ADAM20: variants seen among roughly 807,000 people sequenced by gnomAD.
ADAM20 encodes the protein disintegrin and metalloproteinase domain-containing protein 20.
For synonymous variants in ADAM20, 305 were observed against 310.2 expected (o/e 0.98, Z 0.18); for missense variants, 871 against 883.2 (o/e 0.99, Z 0.18).
the ADAM20 span, among the ~76,000 whole-genome samples, chr14:70,565,286 C>T: frequency 1.0e-3 from 159 of 151,452 alleles, no homozygotes; most frequent in Non-Finnish European, 1.9e-3. Context: ...AATCATGGTA[C>T]TCCATCAAAC....
the ADAM20 span, among the ~76,000 whole-genome samples, chr14:70,568,422 A>G: frequency 8.5e-5 from 13 of 152,258 alleles, no homozygotes; most frequent in African/African-American, 3.1e-4. Context: ...AATGAGAAGT[A>G]GCAGCTCCTC....
chr14:70,553,495 T>A, the ADAM20 span, among the ~76,000 whole-genome samples: 7 of 73,886 alleles, frequency 9.5e-5, no homozygotes, highest in African/African-American at 1.7e-4. Context: ...CACAGGCCAA[T>A]AACGCTAATC....
Position 70,524,186 on chromosome 14 carries a change from T to G in ADAM20, c.572A>C (p.Asn191Thr). 6.2e-7 allele frequency: 1 copy of G among 1,613,844 alleles called. No homozygotes were observed. The highest frequency in any genetic ancestry group is 8.5e-7 in the Non-Finnish European group (1 of 1,179,904). ...AAAAGAACTTTGCTTCAGAGTGAAATTATATGACAATTGCAACTCCATCTG... is the reference window on the plus strand; with the variant it reads ...AAAAGAACTTTGCTTCAGAGTGAAAGTATATGACAATTGCAACTCCATCTG... ...AHQMELQLSY[N>T]FTLKQSSFVG... The change falls in exon 2 of 2, where the codon AAT becomes ACT. Residue 191 changes from asparagine to threonine, a missense_variant. By Grantham distance (65) the Asn-to-Thr change is moderately conservative. Coordinates refer to ENST00000256389, the MANE Select transcript of ADAM20 (RefSeq NM_003814.5).
chr14:70,567,255 C>A, the ADAM20 span, among the ~76,000 whole-genome samples: 1 of 152,168 alleles, frequency 6.6e-6, no homozygotes, highest in Non-Finnish European at 1.5e-5. Flanking sequence ...AGTCATCACA[C>A]CACCAGAACC....
the ADAM20 span, among the ~76,000 whole-genome samples, chr14:70,567,514 C>T: frequency 9.2e-5 from 14 of 152,194 alleles, no homozygotes; most frequent in African/African-American, 3.4e-4. Context: ...ATGCCATACA[C>T]TATTGCAGAC....
At chr14:70,571,752 A>G in the ADAM20 span, among the ~76,000 whole-genome samples, 1 of 152,214 alleles carries the variant, frequency 6.6e-6, no homozygotes, top group Non-Finnish European at 1.5e-5. Flanking sequence ...GATTCATCCA[A>G]AAGACTCCTA....
upstream of ADAM20, among the ~76,000 whole-genome samples, chr14:70,535,396 G>T (rs546662607): frequency 2.0e-5 from 3 of 152,176 alleles, no homozygotes; most frequent in African/African-American, 7.2e-5. Context: ...CAAGGGAAAG[G>T]GAAGAAACTG....
the ADAM20 span, among the ~76,000 whole-genome samples, chr14:70,545,342 G>A: frequency 6.6e-6 from 1 of 152,214 alleles, no homozygotes; most frequent in African/African-American, 2.4e-5. Context: ...ACTTGGGAGA[G>A]GGATGGTGCA....
chr14:70,559,271 T>C, the ADAM20 span, among the ~76,000 whole-genome samples: 1 of 149,488 alleles, frequency 6.7e-6, no homozygotes, highest in Non-Finnish European at 1.5e-5. Flanking sequence ...ATCCTTCAAG[T>C]TGCCTAGAAA....
At chr14:70,541,314 C>T in the ADAM20 span, among the ~76,000 whole-genome samples, 2 of 152,260 alleles carry the variant, frequency 1.3e-5, no homozygotes, top group East Asian at 3.9e-4. Context: ...GTACAATTTG[C>T]ATGGTTTGCA....
chr14:70,542,323 A>C, the ADAM20 span, among the ~76,000 whole-genome samples: 21 of 152,202 alleles, frequency 1.4e-4, no homozygotes, highest in Non-Finnish European at 1.5e-5. Flanking sequence ...AATTGGAAAA[A>C]CTGGTTATTT....
intron 1 of ADAM20, among the ~76,000 whole-genome samples, chr14:70,531,074 G>C (rs868593323): frequency 1.3e-5 from 2 of 151,956 alleles, no homozygotes; most frequent in Middle Eastern, 3.4e-3. Context: ...AACAAAATTG[G>C]CAAACCTTTA....
chr14:70,561,966 T>A, the ADAM20 span, among the ~76,000 whole-genome samples: 1 of 151,906 alleles, frequency 6.6e-6, no homozygotes, highest in Non-Finnish European at 1.5e-5. Context: ...CCACATAGAG[T>A]CCCCACTGGG....
chr14:70,535,070 A>G (rs1367590429), upstream of ADAM20: 1 of 152,254 alleles, frequency 6.6e-6, no homozygotes, highest in African/African-American at 2.4e-5. Context: ...CTCAATGTTG[A>G]TTGCAGTGAA....
At chr14:70,573,835 A>G in the ADAM20 span, among the ~76,000 whole-genome samples, 1 of 152,256 alleles carries the variant, frequency 6.6e-6, no homozygotes, top group African/African-American at 2.4e-5. Context: ...TTAGGAAGAC[A>G]CAATTGCATA....
chr14:70,523,584 CACT>C lies in ADAM20; in HGVS notation c.1171_1173del (p.Ser391del). The C allele has an allele frequency of 6.2e-7, 1 of 1,614,026 alleles. No homozygotes were observed. Among genetic ancestry groups the C allele is most frequent in the Non-Finnish European group, 8.5e-7 (1 of 1,179,986 alleles). On this transcript the variant is annotated inframe_deletion, in exon 2 of 2. Coordinates refer to ENST00000256389, the MANE Select transcript of ADAM20 (RefSeq NM_003814.5). Reference sequence around the variant, plus strand: ...TATGGAGGCGGTTGAATACATAATCCACTACTGATAGTACTGTCCCAATATTGG... The same window carrying C: ...TATGGAGGCGGTTGAATACATAATCCACTGATAGTACTGTCCCAATATTGG...
At chr14:70,559,169 C>T in the ADAM20 span, among the ~76,000 whole-genome samples, 2,899 of 152,180 alleles carry the variant, frequency 0.019, 46 homozygotes, top group Middle Eastern at 0.058. Context: ...ATAAATATGT[C>T]CAAAGTGAAT....
chr14:70,545,364 G>GT, the ADAM20 span, among the ~76,000 whole-genome samples: 1 of 152,180 alleles, frequency 6.6e-6, no homozygotes, highest in African/African-American at 2.4e-5. Flanking sequence ...AGATTGTGAG[G>GT]TTTTGCATTG....
Position 70,530,249 on chromosome 14 carries a change from G to A in ADAM20, c.-177+4548C>T, listed in dbSNP as rs373835904. Among the ~76,000 whole-genome samples, 24 of 152,214 alleles carry A rather than the reference G, an allele frequency of 1.6e-4. No homozygotes were observed. In the East Asian group the frequency reaches 3.5e-3, roughly 22 times the overall value. On this transcript the variant is annotated intron_variant, in intron 1 of 1. Coordinates refer to ENST00000256389, the MANE Select transcript of ADAM20 (RefSeq NM_003814.5). ...AAACATTAGCCTAGGTCGTCACAGG[G>A]TGAAGATCATCAATAATCACTGTCT...
Sources: gnomAD v4.1 joint callset for allele counts (sites outside exome capture counted in the v4.1 genomes callset) on GRCh38, gnomAD v4.1.1 for gene constraint, MANE v1.5 for transcripts, NCBI Gene and HGNC (gene_info 2026-07-23, HGNC 2026-07-21) for gene names.